Variants in SCML4 observed in about 807,000 individuals in gnomAD.
SCML4 encodes the protein Scm polycomb group protein like 4, also known as sex comb on midleg-like protein 4.
Under a neutral mutation model 41.1 loss-of-function variants are expected in SCML4, and 34 were observed. The ratio of observed to expected loss-of-function variants is 0.83; its 90% CI spans 0.63 to 1.10. The LOEUF (loss-of-function observed/expected upper bound fraction) is 1.10, where lower values mean the gene tolerates loss of function less well. Among genes scored for constraint, SCML4 ranks in the 50% least tolerant of loss-of-function variants. SCML4 has a pLI of 0.00. For missense variants in SCML4, 522 were observed against 534.1 expected (o/e 0.98, Z 0.22); for synonymous variants, 214 against 220.9 (o/e 0.97, Z 0.28).
chr6:107,797,252 T>A (rs770318216), intron 1 of SCML4, among the ~76,000 whole-genome samples: 1 of 152,248 alleles, frequency 6.6e-6, no homozygotes, highest in Non-Finnish European at 1.5e-5. Context: ...TATTGAGTCT[T>A]ACAATCCATA....
At position 107,704,654 on chromosome 6, in the gene SCML4, T is replaced by A. The variant is rs1027654928; in HGVS notation, c.*546A>T. ...TTCTAGGAACAGAAAAGATTTTTTT[T>A]TTTTTCCTTTTTCTTTCACGGCGTA... On this transcript the variant is annotated 3_prime_UTR_variant, in exon 8 of 8. Transcript: ENST00000369020. 5.2e-5 allele frequency: 8 copies of A among 155,294 alleles called. No individual in the cohort carries two copies. Among genetic ancestry groups the A allele is most frequent in the Admixed American group, 1.3e-4 (2 of 15,438 alleles). 9.6% of individuals were successfully genotyped at this position (155,294 alleles called of 1,614,324 possible).
chr6:107,771,060 A>G, intron 2 of SCML4, among the ~76,000 whole-genome samples: 1 of 152,200 alleles, frequency 6.6e-6, no homozygotes, highest in East Asian at 1.9e-4. Flanking sequence ...GTGAGAGAAG[A>G]CTTTACCTCA....
At chr6:107,813,377 T>A (rs1477848122) in intron 1 of SCML4, among the ~76,000 whole-genome samples, 5,910 of 18,118 alleles carry the variant, frequency 0.33, 785 homozygotes, top group African/African-American at 0.47. Flanking sequence ...AAATTATATA[T>A]ATATATATAT....
chr6:107,840,478 T>C, the SCML4 span, among the ~76,000 whole-genome samples: 2 of 152,232 alleles, frequency 1.3e-5, no homozygotes, highest in Admixed American at 1.3e-4. Context: ...GGAATCTTCA[T>C]TCACTTATTC....
In SCML4 at chr6:107,824,195, T is replaced by C. The variant is rs1240915002; in HGVS notation, c.-129A>G. On this transcript the variant is annotated 5_prime_UTR_variant, in exon 1 of 8. Coordinates refer to ENST00000369020, the MANE Select transcript of SCML4 (RefSeq NM_198081.5). ...CGGGAGTGTTGACTCAGAAGACAGA[T>C]GACTTTCAGCACATGCAAACCGAGT... is the stretch of plus-strand genomic sequence containing the variant. 1 of 152,228 alleles carries C rather than the reference T, an allele frequency of 6.6e-6. No individual in the cohort carries two copies. Among genetic ancestry groups the C allele is most frequent in the Non-Finnish European group, 1.5e-5 (1 of 68,060 alleles). 9.4% of individuals were successfully genotyped at this position (152,228 alleles called of 1,614,324 possible). A position where few individuals can be genotyped will look rare whatever the true frequency, so the allele number is the denominator to read the frequency against.
At chr6:107,819,875 A>G (rs144044135) in intron 1 of SCML4, among the ~76,000 whole-genome samples, 1 of 152,354 alleles carries the variant, frequency 6.6e-6, no homozygotes, top group African/African-American at 2.4e-5. Context: ...AGAGTGTCAA[A>G]TGGACTGAGT....
At chr6:107,822,762 A>T (rs1242767156) in intron 1 of SCML4, among the ~76,000 whole-genome samples, 1 of 152,142 alleles carries the variant, frequency 6.6e-6, no homozygotes, top group African/African-American at 2.4e-5. Context: ...TAGTTTGTGA[A>T]GCCACCAATT....
intron 1 of SCML4, among the ~76,000 whole-genome samples, chr6:107,777,047 G>T (rs1220015328): frequency 1.3e-5 from 2 of 152,190 alleles, no homozygotes; most frequent in Non-Finnish European, 2.9e-5. Flanking sequence ...GATGACAATT[G>T]TGTCTGGGCA....
chr6:107,733,373 T>C (rs2114456438), intron 5 of SCML4, among the ~76,000 whole-genome samples: 1 of 152,342 alleles, frequency 6.6e-6, no homozygotes, highest in Middle Eastern at 3.4e-3. Context: ...TGCCCACTTC[T>C]CTGCCAGGGA....
intron 5 of SCML4, among the ~76,000 whole-genome samples, chr6:107,722,049 G>A (rs1057120936): frequency 6.7e-6 from 1 of 150,042 alleles, no homozygotes; most frequent in Admixed American, 6.7e-5. Flanking sequence ...GAGTGCAGTG[G>A]TGCGATCTCG....
chr6:107,715,593 G>A (rs987790903), intron 6 of SCML4, among the ~76,000 whole-genome samples: 3 of 152,126 alleles, frequency 2.0e-5, no homozygotes, highest in Non-Finnish European at 2.9e-5. Context: ...TTATATCTTG[G>A]ATGAGAGACA....
chr6:107,767,278 G>A (rs1780138605), intron 2 of SCML4, among the ~76,000 whole-genome samples: 1 of 152,070 alleles, frequency 6.6e-6, no homozygotes, highest in Non-Finnish European at 1.5e-5. Flanking sequence ...TTTAATGTCT[G>A]TAATACAACT....
chr6:107,749,918 T>C, intron 2 of SCML4, 105 bp from the exon 3 acceptor site: 2 of 1,124,574 alleles, frequency 1.8e-6, no homozygotes, highest in Non-Finnish European at 2.6e-6. Context: ...CTATCATGCT[T>C]CCACACCTTT....
In SCML4 at chr6:107,750,439, G is replaced by C. The variant is rs1004010456; in HGVS notation, c.157-626C>G. On this transcript the variant is annotated intron_variant, in intron 2 of 7. Transcript: ENST00000369020. ...TAAAATTTGCTCTTATGGAGTAAGG[G>C]GAAGATGAATAGTTGATGACTTGTT... Among the ~76,000 whole-genome samples the C allele has an allele frequency of 2.6e-5, 4 of 152,166 alleles. No individual in the cohort carries two copies. In the East Asian group the frequency reaches 7.7e-4, roughly 29 times the overall value.
chr6:107,769,684 T>G (rs1780361258), intron 2 of SCML4, among the ~76,000 whole-genome samples: 1 of 152,198 alleles, frequency 6.6e-6, no homozygotes. Context: ...AATAAAATTA[T>G]GTTATATCTT....
At chr6:107,768,115 A>AAG (rs1554215505) in intron 2 of SCML4, among the ~76,000 whole-genome samples, 4 of 149,890 alleles carry the variant, frequency 2.7e-5, no homozygotes, top group Non-Finnish European at 5.9e-5. Context: ...AAAAAAAAAA[A>AAG]GTAAAAAAGT....
At chr6:107,709,730 G>C (rs1478395922) in intron 6 of SCML4, among the ~76,000 whole-genome samples, 1 of 151,698 alleles carries the variant, frequency 6.6e-6, no homozygotes, top group African/African-American at 2.4e-5. Context: ...TATTTTTCGA[G>C]ACAGAGTTTC....
chr6:107,815,899 A>G (rs1476802641), intron 1 of SCML4, among the ~76,000 whole-genome samples: 2 of 152,206 alleles, frequency 1.3e-5, no homozygotes, highest in South Asian at 2.1e-4. Context: ...GAAATTTTCT[A>G]TGGATCAAAA....
the SCML4 span, among the ~76,000 whole-genome samples, chr6:107,834,948 A>C: frequency 6.6e-6 from 1 of 152,034 alleles, no homozygotes; most frequent in Non-Finnish European, 1.5e-5. Flanking sequence ...AAAAAAAAAA[A>C]AGGAATTTGG....
Sources: gnomAD v4.1 joint callset for allele counts (sites outside exome capture counted in the v4.1 genomes callset) on GRCh38, gnomAD v4.1.1 for gene constraint, MANE v1.5 for transcripts, NCBI Gene and HGNC (gene_info 2026-07-23, HGNC 2026-07-21) for gene names.